GAS2: variants seen among roughly 807,000 people sequenced by gnomAD.
GAS2 encodes growth arrest specific 2.
Under a neutral mutation model 37.5 loss-of-function variants are expected in GAS2, and 20 were observed. The ratio of observed to expected loss-of-function variants is 0.53; its 90% confidence interval spans 0.37 to 0.77. The LOEUF is 0.77. GAS2 is among the 30% of genes least tolerant of loss of function. GAS2 has a pLI of 0.00. For synonymous variants in GAS2, 144 were observed against 132.2 expected (o/e 1.09, Z -0.61); for missense variants, 336 against 373.4 (o/e 0.90, Z 0.82).
intron 7 of GAS2, among the ~76,000 whole-genome samples, chr11:22,785,343 A>G (rs1437476856): frequency 1.4e-4 from 21 of 151,866 alleles, no homozygotes. Context: ...TCCCACTCCT[A>G]CCTAGCCTGT....
intron 4 of GAS2, among the ~76,000 whole-genome samples, chr11:22,729,453 G>A (rs1399345122): frequency 6.6e-6 from 1 of 151,838 alleles, no homozygotes. Flanking sequence ...CATGCTTCTT[G>A]TCTTTTTTAT....
At chr11:22,656,518 A>G (rs1848856700) in intron 1 of GAS2, among the ~76,000 whole-genome samples, 1 of 152,260 alleles carries the variant, frequency 6.6e-6, no homozygotes, top group African/African-American at 2.4e-5. Flanking sequence ...AGTACAATGC[A>G]TAATCCAAGT....
chr11:22,699,634 CT>C (rs1393005019), intron 3 of GAS2, among the ~76,000 whole-genome samples: 1 of 152,132 alleles, frequency 6.6e-6, no homozygotes, highest in Admixed American at 6.6e-5. Context: ...ATAGTGTATA[CT>C]CAGTAGTCAT....
chr11:22,773,539 GC>G (rs1449854523), intron 7 of GAS2, among the ~76,000 whole-genome samples: 1 of 151,502 alleles, frequency 6.6e-6, no homozygotes, highest in African/African-American at 2.4e-5. Flanking sequence ...GACTGCAGGC[GC>G]CCGCCACCAT....
chr11:22,641,198 C>CTT (rs1218209428), intron 1 of GAS2, among the ~76,000 whole-genome samples: 1 of 61,632 alleles, frequency 1.6e-5, no homozygotes, highest in Non-Finnish European at 4.3e-5. Context: ...CTGGTTCTTT[C>CTT]TTTATATATA....
chr11:22,771,675 G>A (rs11026784), intron 7 of GAS2, among the ~76,000 whole-genome samples: 79,467 of 151,912 alleles, frequency 0.52, 21,301 homozygotes, highest in South Asian at 0.62. Flanking sequence ...ATACATAAAT[G>A]CAAAATAATT....
At chr11:22,654,052 G>T (rs1219797550) in intron 1 of GAS2, among the ~76,000 whole-genome samples, 1 of 152,166 alleles carries the variant, frequency 6.6e-6, no homozygotes, top group African/African-American at 2.4e-5. Context: ...GAATGTTCAG[G>T]TTTTCCCACC....
intron 1 of GAS2, among the ~76,000 whole-genome samples, chr11:22,639,283 C>A (rs1858880564): frequency 6.6e-6 from 1 of 152,072 alleles, no homozygotes. Flanking sequence ...GGTTAGTTAG[C>A]CCAGGAGTAG....
chr11:22,774,918 G>A lies in GAS2; in HGVS notation c.723+18965G>A, dbSNP rs577858423. Among the ~76,000 whole-genome samples the A allele has an allele frequency of 2.6e-5, 4 of 152,118 alleles. No homozygotes were observed. The South Asian group carries it at 6.2e-4, about 24-fold the overall frequency. ...TGTTTCAACCAGAATCAGAAAGAAA[G>A]GAGACAGCATACAAAAAGGCCCAGA... On this transcript the variant is annotated intron_variant, in intron 7 of 7. Coordinates refer to ENST00000454584, the MANE Select transcript of GAS2 (RefSeq NM_001143830.3).
chr11:22,765,489 C>T (rs978978863), intron 7 of GAS2, among the ~76,000 whole-genome samples: 1 of 151,954 alleles, frequency 6.6e-6, no homozygotes, highest in African/African-American at 2.4e-5. Context: ...TAAAGAAATA[C>T]CTGAGATTGG....
At chr11:22,750,495 G>C (rs1014615514) in intron 6 of GAS2, among the ~76,000 whole-genome samples, 8 of 151,940 alleles carry the variant, frequency 5.3e-5, no homozygotes, top group Non-Finnish European at 7.4e-5. Context: ...GTTTCTTCTG[G>C]GTAACTGTTC....
chr11:22,747,029 TA>T (rs951135741), intron 5 of GAS2, among the ~76,000 whole-genome samples: 1 of 151,970 alleles, frequency 6.6e-6, no homozygotes, highest in African/African-American at 2.4e-5. Flanking sequence ...ACTAGAAAAC[TA>T]AAAAAAATGT....
intron 7 of GAS2, among the ~76,000 whole-genome samples, chr11:22,783,140 A>ACT (rs1855647071): frequency 6.6e-6 from 1 of 152,094 alleles, no homozygotes; most frequent in African/African-American, 2.4e-5. Context: ...AGCCATTCTG[A>ACT]CTGGTACAAG....
chr11:22,750,650 T>C (rs924687813), intron 6 of GAS2, among the ~76,000 whole-genome samples: 11 of 152,100 alleles, frequency 7.2e-5, no homozygotes, highest in African/African-American at 2.7e-4. Flanking sequence ...GTAAGGAAAT[T>C]GAGTAACATT....
At chr11:22,768,222 A>G (rs1435010270) in intron 7 of GAS2, among the ~76,000 whole-genome samples, 6 of 152,202 alleles carry the variant, frequency 3.9e-5, no homozygotes, top group Admixed American at 3.9e-4. Flanking sequence ...TGTCCTAGGA[A>G]TATATCATTC....
chr11:22,639,046 C>A (rs1355429495), intron 1 of GAS2, among the ~76,000 whole-genome samples: 1 of 152,026 alleles, frequency 6.6e-6, no homozygotes, highest in Non-Finnish European at 1.5e-5. Context: ...CAAGCTGGAA[C>A]AATTGTTTTA....
chr11:22,650,704 G>T (rs929822200), intron 1 of GAS2, among the ~76,000 whole-genome samples: 26 of 152,114 alleles, frequency 1.7e-4, no homozygotes, highest in African/African-American at 5.3e-4. Flanking sequence ...ATCTTTGTTG[G>T]TTTAAAGTCT....
At chr11:22,783,096 G>A (rs4604881) in intron 7 of GAS2, among the ~76,000 whole-genome samples, 1 of 151,798 alleles carries the variant, frequency 6.6e-6, no homozygotes, top group African/African-American at 2.4e-5. Context: ...TTCTCTGCAG[G>A]CTTGCCAACG....
chr11:22,674,299 C>G (rs1490653828), intron 1 of GAS2, among the ~76,000 whole-genome samples: 1 of 151,744 alleles, frequency 6.6e-6, no homozygotes. Context: ...TACCTCTTCC[C>G]CTGCTTCTCA....
Sources: gnomAD v4.1 joint callset for allele counts (sites outside exome capture counted in the v4.1 genomes callset) on GRCh38, gnomAD v4.1.1 for gene constraint, MANE v1.5 for transcripts, NCBI Gene and HGNC (gene_info 2026-07-23, HGNC 2026-07-21) for gene names.